MED13: variants seen among roughly 807,000 people sequenced by gnomAD.
MED13 encodes the protein mediator of RNA polymerase II transcription subunit 13.
Under a neutral mutation model 225.2 loss-of-function variants are expected in MED13, and 23 were observed. The observed-to-expected ratio is 0.10, with a 90% CI of 0.07 to 0.14. MED13 has a LOEUF of 0.14. Among genes scored for constraint, MED13 ranks in the 10% least tolerant of loss-of-function variants. The pLI, the probability that MED13 is intolerant of heterozygous loss-of-function variation, is 1.00. For synonymous variants in MED13, 942 were observed against 889.2 expected, an observed-to-expected ratio of 1.06 and a Z score of -1.06; for missense variants, 2,197 against 2,594.5, an observed-to-expected ratio of 0.85 and a Z score of 3.33.
chr17:62,064,031 G>A (rs572414400), intron 1 of MED13, among the ~76,000 whole-genome samples: 139 of 152,340 alleles, frequency 9.1e-4, no homozygotes, highest in African/African-American at 3.1e-3. Flanking sequence ...AATTCGACAA[G>A]AGGAATTCAG....
chr17:61,964,893 A>G (rs8081805), intron 20 of MED13, 113 bp downstream of exon 20: 286,011 of 977,152 alleles, frequency 0.29, 50,691 homozygotes, highest in East Asian at 0.69. Context: ...TGCAGATCCC[A>G]CCACTGCAGT....
chr17:61,977,391 C>T (rs1251058436), intron 16 of MED13, among the ~76,000 whole-genome samples: 1 of 152,188 alleles, frequency 6.6e-6, no homozygotes, highest in Non-Finnish European at 1.5e-5. Context: ...AGCTTGCCAC[C>T]ATTTCATGAT....
At chr17:62,035,331 G>A in intron 4 of MED13, 132 bp downstream of exon 4, 1 of 844,532 alleles carries the variant, frequency 1.2e-6, no homozygotes, top group Non-Finnish European at 1.7e-6. Flanking sequence ...GAAGGAAAAA[G>A]TAAATGACAT....
chr17:62,024,472 T>A (rs900000934), intron 8 of MED13, among the ~76,000 whole-genome samples: 1 of 152,208 alleles, frequency 6.6e-6, no homozygotes, highest in Non-Finnish European at 1.5e-5. Flanking sequence ...AAAGTCTAGT[T>A]TAGGAACTAA....
At chr17:61,955,985 C>T in intron 24 of MED13, 147 bp from the exon 25 acceptor site, 1 of 1,266,482 alleles carries the variant, frequency 7.9e-7, no homozygotes, top group Non-Finnish European at 1.0e-6. Flanking sequence ...CACGAGTCAT[C>T]ATCAAGCCAA....
intron 24 of MED13, 44 bp downstream of exon 24, chr17:61,956,295 T>C (rs1211618573): frequency 5.7e-6 from 9 of 1,569,366 alleles, no homozygotes; most frequent in Non-Finnish European, 7.8e-6. Flanking sequence ...TGTGTGAATT[T>C]ACATAAAACG....
intron 2 of MED13, among the ~76,000 whole-genome samples, chr17:62,053,077 T>TA (rs942170935): frequency 6.6e-6 from 1 of 152,220 alleles, no homozygotes; most frequent in Non-Finnish European, 1.5e-5. Context: ...GCTCACTTGT[T>TA]ACTTTGTCCT....
intron 8 of MED13, among the ~76,000 whole-genome samples, chr17:62,013,694 G>A (rs747309561): frequency 1.3e-5 from 2 of 152,180 alleles, no homozygotes; most frequent in East Asian, 3.8e-4. Context: ...AGAGGTCAGA[G>A]ATTTCGGAGG....
At chr17:61,948,193 A>G (rs751376869) in intron 28 of MED13, among the ~76,000 whole-genome samples, 5 of 152,220 alleles carry the variant, frequency 3.3e-5, no homozygotes, top group Non-Finnish European at 5.9e-5. Flanking sequence ...TGCCTACAGT[A>G]TAAAACTAAA....
rs1260405034 is a variant in MED13, at chr17:61,944,341, A to G, written c.*2127T>C. 6.6e-6 allele frequency: 1 copy of G among 152,380 alleles called. No homozygotes were observed. The highest frequency in any genetic ancestry group is 6.6e-5 in the Admixed American group (1 of 15,254). 9.4% of individuals were successfully genotyped at this position (152,380 alleles called of 1,614,324 possible). A position where few individuals can be genotyped will look rare whatever the true frequency, so the allele number is the denominator to read the frequency against. ...GATACTCTTTTTATGGAAATTCCAA[A>G]TAAGCACATTTTCCTTCAAATCTCA... On this transcript the variant is annotated 3_prime_UTR_variant, in exon 30 of 30. Transcript: ENST00000397786.
intron 11 of MED13, among the ~76,000 whole-genome samples, chr17:61,990,768 G>C (rs1416828969): frequency 1.3e-5 from 2 of 151,764 alleles, no homozygotes; most frequent in African/African-American, 4.8e-5. Context: ...ACTATACTAT[G>C]TCTCTCTATT....
chr17:61,964,870 A>AG, intron 20 of MED13, 136 bp downstream of exon 20: 1 of 769,360 alleles, frequency 1.3e-6, no homozygotes, highest in Non-Finnish European at 2.0e-6. Context: ...CGGGAGGCAG[A>AG]GGTTGCAGTG....
At position 61,984,065 on chromosome 17, in the gene MED13, A is replaced by AT. The variant is rs1425393720; in HGVS notation, c.2888+105dup. On this transcript the variant is annotated intron_variant, in intron 15 of 29. Transcript: ENST00000397786. The stretch of plus-strand genomic sequence containing the variant: ...TGATTAACCAGAAATAATTTTTAGA[A>AT]TTTTCAAAAACCAATTTTATTTTTC... 5.7e-6 allele frequency: 5 copies of AT among 873,032 alleles called. No individual in the cohort carries two copies. The East Asian group carries it at 1.5e-4, about 27-fold the overall frequency. 54.1% of individuals were successfully genotyped at this position (873,032 alleles called of 1,614,324 possible). A position where few individuals can be genotyped will look rare whatever the true frequency, so the allele number is the denominator to read the frequency against.
intron 8 of MED13, among the ~76,000 whole-genome samples, chr17:62,024,444 C>G (rs1316371755): frequency 6.6e-6 from 1 of 152,130 alleles, no homozygotes; most frequent in Non-Finnish European, 1.5e-5. Context: ...TAAAATCCAC[C>G]TTTTCAAAAA....
intron 3 of MED13, among the ~76,000 whole-genome samples, chr17:62,041,728 C>A (rs993404481): frequency 4.6e-5 from 7 of 152,078 alleles, no homozygotes; most frequent in Admixed American, 3.9e-4. Flanking sequence ...CAGGTGTGAG[C>A]CACTATGTCC....
chr17:61,969,213 G>A (rs1164293588), intron 17 of MED13, among the ~76,000 whole-genome samples: 1 of 152,182 alleles, frequency 6.6e-6, no homozygotes, highest in South Asian at 2.1e-4. Context: ...AAATTAGCCG[G>A]GCATGGTGGT....
chr17:62,062,587 A>AC (rs895674175), intron 2 of MED13, among the ~76,000 whole-genome samples: 4 of 75,216 alleles, frequency 5.3e-5, no homozygotes, highest in African/African-American at 3.3e-4. Context: ...AAACACACAC[A>AC]CACACACACA....
At chr17:62,036,021 C>T (rs1053810433) in intron 3 of MED13, among the ~76,000 whole-genome samples, 2 of 150,388 alleles carry the variant, frequency 1.3e-5, no homozygotes, top group African/African-American at 4.9e-5. Flanking sequence ...AACTCCTGGG[C>T]TCAAGGGATC....
At chr17:62,058,035 C>A (rs4603620) in intron 2 of MED13, among the ~76,000 whole-genome samples, 151,376 of 152,318 alleles carry the variant, frequency 0.99, 75,227 homozygotes, top group Middle Eastern at 1. Flanking sequence ...TCCTTCAAGA[C>A]CACATTAATG....
Sources: allele counts gnomAD v4.1 joint callset (sites outside exome capture counted in the v4.1 genomes callset), GRCh38; gene constraint gnomAD v4.1.1; transcripts MANE v1.5; gene names NCBI Gene and HGNC (gene_info 2026-07-23, HGNC 2026-07-21).